GPC3: variants seen among roughly 807,000 people sequenced by gnomAD.
GPC3 encodes glypican 3.
A neutral mutation model predicts 34.4 loss-of-function variants in GPC3; 3 were observed. That is an observed-to-expected ratio of 0.09 (90% CI 0.04 to 0.23). The LOEUF (loss-of-function observed/expected upper bound fraction) is 0.23, where lower values mean the gene tolerates loss of function less well. Ranked by LOEUF, GPC3 falls within the 10% of genes least tolerant of loss-of-function variation. GPC3 has a pLI of 1.00. For synonymous variants in GPC3, 177 were observed against 174.0 expected, an observed-to-expected ratio of 1.02 and a Z score of -0.13; for missense variants, 351 against 445.6, an observed-to-expected ratio of 0.79 and a Z score of 1.91.
chrX:133,801,651 T>TTC (rs757331671), intron 2 of GPC3, among the ~76,000 whole-genome samples: 1 of 112,325 alleles, frequency 8.9e-6, no homozygotes, highest in Admixed American at 9.4e-5. Context: ...CTCTTGAAGG[T>TTC]TTCATTTCAA....
intron 3 of GPC3, among the ~76,000 whole-genome samples, chrX:133,748,844 A>G (rs1016627953): frequency 7.2e-5 from 8 of 111,639 alleles, no homozygotes; most frequent in African/African-American, 2.6e-4. Flanking sequence ...CTTTGCCACT[A>G]ATTGCCTGTG....
At chrX:133,813,200 C>T (rs1358086245) in intron 2 of GPC3, among the ~76,000 whole-genome samples, 3 of 112,587 alleles carry the variant, frequency 2.7e-5, no homozygotes, top group African/African-American at 9.7e-5. Context: ...CCTATTCTGG[C>T]CCCTAACACT....
intron 1 of GPC3, among the ~76,000 whole-genome samples, chrX:133,965,529 G>A (rs1363365038): frequency 1.8e-5 from 2 of 111,425 alleles, no homozygotes; most frequent in Non-Finnish European, 3.8e-5. Context: ...ACCAGAAGCC[G>A]GAAGAGGCGA....
chrX:133,903,847 C>G (rs928730024), intron 2 of GPC3, among the ~76,000 whole-genome samples: 1 of 111,142 alleles, frequency 9.0e-6, no homozygotes, highest in African/African-American at 3.3e-5. Context: ...CTGATCGACC[C>G]TGACCGAGAT....
rs751921022 is a variant in GPC3 at position 133,757,189 on chromosome X, G to A, written c.338-3013C>T. On this transcript the variant is annotated intron_variant, in intron 2 of 7. Transcript: ENST00000370818. Reference sequence around the variant, plus strand: ...ATATTCTAATTTTTTACAACATAAAGAAAAATAAGTGGTGCAGGCAAATAG... The same window carrying A: ...ATATTCTAATTTTTTACAACATAAAAAAAAATAAGTGGTGCAGGCAAATAG... 1.2e-3 allele frequency among the ~76,000 whole-genome samples: 133 copies of A among 111,750 alleles called. 2 individuals are homozygous for A. The highest frequency in any genetic ancestry group is 8.3e-4 in the Non-Finnish European group (44 of 53,093).
intron 2 of GPC3, among the ~76,000 whole-genome samples, chrX:133,865,033 TTC>T (rs1268506543): frequency 3.6e-5 from 4 of 112,619 alleles, no homozygotes; most frequent in Non-Finnish European, 5.6e-5. Context: ...TGTGATATTG[TTC>T]TCTTTTTTTT....
chrX:133,537,512 C>T (rs2069304859), intron 7 of GPC3, among the ~76,000 whole-genome samples: 1 of 111,341 alleles, frequency 9.0e-6, no homozygotes, highest in Non-Finnish European at 1.9e-5. Context: ...GAGCAGGGCC[C>T]AGGACCAAGG....
chrX:133,739,819 G>A (rs2071547678), intron 3 of GPC3, among the ~76,000 whole-genome samples: 1 of 112,301 alleles, frequency 8.9e-6, no homozygotes, highest in Non-Finnish European at 1.9e-5. Context: ...GGTGGAAGAG[G>A]TTGCAGTGAG....
At chrX:133,804,853 AAAAT>A (rs1440327750) in intron 2 of GPC3, among the ~76,000 whole-genome samples, 1 of 111,793 alleles carries the variant, frequency 8.9e-6, no homozygotes, top group Non-Finnish European at 1.9e-5. Flanking sequence ...AAAAATAGTA[AAAAT>A]AAATAAAAGT....
rs570462614 is a variant in GPC3, at chrX:133,959,669, T to A, written c.176-6458A>T. Among the ~76,000 whole-genome samples, 7 of 112,636 alleles carry A rather than the reference T, an allele frequency of 6.2e-5. No homozygotes were observed. In the South Asian group the frequency reaches 1.5e-3, roughly 24 times the overall value. ...GTACTTAGTTATTACAAAAATTAAG[T>A]GAGATTATGCATGTGAAGCTCTTAG... On this transcript the variant is annotated intron_variant, in intron 1 of 7. Transcript: ENST00000370818.
Position 133,616,200 on chromosome X carries a change from C to T in GPC3, c.1414-19601G>A, listed in dbSNP as rs183126410. ...CAGTTCAGCGAGATTGTAGAATACA[C>T]GATTGATATAATAAATTAATTGTAT... On this transcript the variant is annotated intron_variant, in intron 6 of 7. Transcript: ENST00000370818. Among the ~76,000 whole-genome samples the T allele has an allele frequency of 1.9e-3, 208 of 111,447 alleles. 1 individual carries two copies. The highest frequency in any genetic ancestry group is 6.4e-3 in the African/African-American group (198 of 30,766).
At position 133,555,267 on chromosome X, in the gene GPC3, GCTC is replaced by G. The variant is rs760913919; in HGVS notation, c.1574-18977_1574-18975del. The stretch of plus-strand genomic sequence containing the variant: ...CCCCTTACACCACTTCCTTCTGGAT[GCTC>G]CTCCTACTTCTCTGATCATTCTCAG... On this transcript the variant is annotated intron_variant, in intron 7 of 7. Coordinates refer to ENST00000370818, the MANE Select transcript of GPC3 (RefSeq NM_004484.4). Among the ~76,000 whole-genome samples, 589 of 112,480 alleles carry G rather than the reference GCTC, an allele frequency of 5.2e-3. 1 individual carries two copies. The highest frequency in any genetic ancestry group is 0.019 in the Middle Eastern group (4 of 216).
At chrX:133,739,087 T>A (rs917278660) in intron 3 of GPC3, among the ~76,000 whole-genome samples, 3 of 111,135 alleles carry the variant, frequency 2.7e-5, no homozygotes, top group African/African-American at 9.8e-5. Context: ...CAGGTAGGTA[T>A]GTATAGGGAA....
chrX:133,911,831 T>A (rs1291809044), intron 2 of GPC3, among the ~76,000 whole-genome samples: 1 of 111,781 alleles, frequency 8.9e-6, no homozygotes, highest in East Asian at 2.8e-4. Flanking sequence ...ATGTGCAACA[T>A]CTCAATGAGA....
chrX:133,730,324 T>C (rs1402093244), intron 3 of GPC3, among the ~76,000 whole-genome samples: 2 of 112,299 alleles, frequency 1.8e-5, no homozygotes, highest in African/African-American at 6.5e-5. Flanking sequence ...AAATTATATA[T>C]GTTGACCTTT....
chrX:133,873,920 A>G (rs1371671801), intron 2 of GPC3, among the ~76,000 whole-genome samples: 1 of 111,612 alleles, frequency 9.0e-6, no homozygotes, highest in African/African-American at 3.3e-5. Context: ...ATTTAAATCT[A>G]TGATGGCTTA....
At chrX:133,704,309 A>G in intron 3 of GPC3, 1 of 904,792 alleles carries the variant, frequency 1.1e-6, no homozygotes. Context: ...TTACTTTCTG[A>G]ATGGAGTATG....
At chrX:133,799,894 G>A (rs998789455) in intron 2 of GPC3, among the ~76,000 whole-genome samples, 5 of 111,885 alleles carry the variant, frequency 4.5e-5, no homozygotes, top group Admixed American at 2.8e-4. Flanking sequence ...CCTTCATTTA[G>A]CCACCTGTCT....
At chrX:133,975,378 G>A (rs1042931439) in intron 1 of GPC3, among the ~76,000 whole-genome samples, 4 of 112,203 alleles carry the variant, frequency 3.6e-5, no homozygotes, top group African/African-American at 1.3e-4. Flanking sequence ...AATGTGTCAT[G>A]TGTCATTTTG....
Sources: gnomAD v4.1 joint callset for allele counts (sites outside exome capture counted in the v4.1 genomes callset) on GRCh38, gnomAD v4.1.1 for gene constraint, MANE v1.5 for transcripts, NCBI Gene and HGNC (gene_info 2026-07-23, HGNC 2026-07-21) for gene names.